The following DLGAP4 variants were observed in gnomAD, a reference collection of about 807,000 sequenced individuals.
DLGAP4 encodes disks large-associated protein 4.
In DLGAP4, 18 loss-of-function variants were observed where a neutral mutation model predicts 86.9. The observed-to-expected ratio is 0.21, with a 90% CI of 0.14 to 0.31. DLGAP4 has a LOEUF of 0.31. Ranked by LOEUF, DLGAP4 falls within the 10% of genes least tolerant of loss-of-function variation. The pLI, the probability that DLGAP4 is intolerant of heterozygous loss-of-function variation, is 1.00. For missense variants in DLGAP4, 1,085 were observed against 1,362.6 expected (o/e 0.80, Z 3.21); for synonymous variants, 548 against 574.3 (o/e 0.95, Z 0.65).
intron 7 of DLGAP4, among the ~76,000 whole-genome samples, chr20:36,451,150 TG>T (rs1361945703): frequency 6.6e-6 from 1 of 152,230 alleles, no homozygotes; most frequent in Non-Finnish European, 1.5e-5. Flanking sequence ...ATTTTACCCA[TG>T]CACCTACCTC....
intron 7 of DLGAP4, among the ~76,000 whole-genome samples, chr20:36,457,979 C>T (rs1249812754): frequency 1.3e-5 from 2 of 151,992 alleles, no homozygotes; most frequent in East Asian, 1.9e-4. Flanking sequence ...TGCTGGGAAG[C>T]GCTCCAGGCG....
intron 7 of DLGAP4, among the ~76,000 whole-genome samples, chr20:36,468,550 C>T (rs1341377624): frequency 1.3e-5 from 2 of 152,250 alleles, no homozygotes. Flanking sequence ...GTGTGCAGCC[C>T]ACACTCCTCT....
At chr20:36,430,494 A>G (rs1216391454) in intron 2 of DLGAP4, among the ~76,000 whole-genome samples, 1 of 152,092 alleles carries the variant, frequency 6.6e-6, no homozygotes, top group Non-Finnish European at 1.5e-5. Flanking sequence ...CCTGGATGAG[A>G]TGGGCCCTTG....
At chr20:36,457,928 C>T (rs1237984844) in intron 7 of DLGAP4, among the ~76,000 whole-genome samples, 1 of 151,990 alleles carries the variant, frequency 6.6e-6, no homozygotes, top group African/African-American at 2.4e-5. Flanking sequence ...CCACCACACC[C>T]GGATTGAGTG....
intron 1 of DLGAP4, among the ~76,000 whole-genome samples, chr20:36,311,826 G>A (rs1175439971): frequency 6.6e-6 from 1 of 152,222 alleles, no homozygotes; most frequent in Non-Finnish European, 1.5e-5. Context: ...GACAGAGGCC[G>A]GGCTTTGGAC....
chr20:36,409,096 C>T (rs964567047), intron 2 of DLGAP4, among the ~76,000 whole-genome samples: 3 of 132,024 alleles, frequency 2.3e-5, no homozygotes, highest in Non-Finnish European at 3.1e-5. Context: ...AGTGTGGTGG[C>T]GCCATCTTGG....
chr20:36,375,739 G>A (rs2031126763), intron 2 of DLGAP4, among the ~76,000 whole-genome samples: 1 of 152,156 alleles, frequency 6.6e-6, no homozygotes, highest in Admixed American at 6.5e-5. Context: ...GATCTCACCT[G>A]CCTCCTGTTG....
rs368757764 is a variant in DLGAP4 at position 36,515,049 on chromosome 20, G to A, written c.2513-9201G>A. ...GAGGAGGCCCACCAGTCACTCCAAG[G>A]ACCACTGAGATTAGGTGTGAAGGCA... On this transcript the variant is annotated intron_variant, in intron 10 of 12. Transcript: ENST00000339266. Among the ~76,000 whole-genome samples the A allele has an allele frequency of 2.0e-5, 3 of 152,092 alleles. No individual in the cohort carries two copies. The East Asian group carries it at 5.8e-4, about 29-fold the overall frequency.
At chr20:36,494,513 A>T (rs1268014651) in intron 7 of DLGAP4, among the ~76,000 whole-genome samples, 1 of 152,242 alleles carries the variant, frequency 6.6e-6, no homozygotes, top group African/African-American at 2.4e-5. Context: ...GATTTCCCTC[A>T]ATAGTAAGAC....
At chr20:36,514,499 C>A (rs2036921601) in intron 10 of DLGAP4, among the ~76,000 whole-genome samples, 1 of 152,102 alleles carries the variant, frequency 6.6e-6, no homozygotes, top group South Asian at 2.1e-4. Flanking sequence ...CAGCCTTGAA[C>A]TCCTGGGCTC....
chr20:36,525,166 C>T (rs1221484940), intron 11 of DLGAP4, among the ~76,000 whole-genome samples: 6 of 128,868 alleles, frequency 4.7e-5, no homozygotes, highest in Admixed American at 2.0e-4. Flanking sequence ...TGCAGTGAGC[C>T]GAGATCGCGT....
rs2065095415 is a variant in DLGAP4 at position 36,315,968 on chromosome 20, T to A, written c.-304+9456T>A. On this transcript the variant is annotated intron_variant, in intron 1 of 12. Coordinates refer to ENST00000339266, the MANE Select transcript of DLGAP4 (RefSeq NM_001365621.2). ...GGGGTGGTGTGGCCCACCAGCCCTG[T>A]GGCTTTCAGGAACCATTTGCAAGAC... Among the ~76,000 whole-genome samples the A allele has an allele frequency of 2.0e-5, 3 of 152,304 alleles. No homozygotes were observed. The South Asian group carries it at 6.2e-4, about 32-fold the overall frequency.
intron 8 of DLGAP4, 85 bp from the exon 9 acceptor site, chr20:36,499,503 A>C (rs773248811): frequency 2.7e-6 from 4 of 1,456,950 alleles, no homozygotes; most frequent in African/African-American, 1.4e-5. Context: ...CGTCCCACTA[A>C]TGTGAATTTC....
chr20:36,506,386 T>C (rs1226717011), intron 10 of DLGAP4, among the ~76,000 whole-genome samples: 1 of 152,232 alleles, frequency 6.6e-6, no homozygotes, highest in East Asian at 1.9e-4. Context: ...AGGTCTTTTA[T>C]GATGTTTCTG....
chr20:36,485,154 G>C (rs1242013088), intron 7 of DLGAP4, among the ~76,000 whole-genome samples: 2 of 152,144 alleles, frequency 1.3e-5, no homozygotes, highest in Non-Finnish European at 2.9e-5. Context: ...TGGAGGCCAA[G>C]TCCAGAGGGT....
Position 36,432,450 on chromosome 20 carries a change from G to A in DLGAP4, c.733G>A (p.Ala245Thr), listed in dbSNP as rs146757517. The A allele has an allele frequency of 2.1e-3, 3,402 of 1,613,822 alleles. 33 individuals are homozygous for A. The highest frequency in any genetic ancestry group is 0.02 in the South Asian group (1,840 of 91,078). ...CAGCCAGCCACGCTACTTCATGCAC[G>A]CCTACAACACCATCAGTGGGCACAT... ...ERSQPRYFMHAYNTISGHMLK... is the reference protein window; with the variant it reads ...ERSQPRYFMHTYNTISGHMLK... Residue 245 changes from alanine (A) to threonine (T), a missense_variant, in exon 3 of 13, where the codon GCC becomes ACC. Ala to Thr is a moderately conservative substitution (Grantham distance 58, BLOSUM62 0). Transcript: ENST00000339266. This position sits in a 1 kb window ranked among gnomAD's most constrained non-coding sequence, Gnocchi z 6.5.
chr20:36,469,860 G>A (rs987807984), intron 7 of DLGAP4, among the ~76,000 whole-genome samples: 2 of 152,144 alleles, frequency 1.3e-5, no homozygotes, highest in African/African-American at 4.8e-5. Context: ...TTCTCCCTGG[G>A]GGAACGTTGC....
chr20:36,336,152 A>G (rs1555892071), intron 1 of DLGAP4, among the ~76,000 whole-genome samples: 1 of 151,990 alleles, frequency 6.6e-6, no homozygotes, highest in Non-Finnish European at 1.5e-5. Context: ...CTCCATTTCC[A>G]TCCTCGTAAC....
intron 2 of DLGAP4, among the ~76,000 whole-genome samples, chr20:36,406,369 A>G (rs1342856447): frequency 2.1e-4 from 30 of 142,518 alleles, no homozygotes; most frequent in Non-Finnish European, 3.4e-4. Context: ...CTGCACTCCA[A>G]CCTGGGTGAC....
Sources: gnomAD v4.1 joint callset for allele counts (sites outside exome capture counted in the v4.1 genomes callset) on GRCh38, gnomAD v4.1.1 for gene constraint, Gnocchi (gnomAD v3.1) non-coding constraint, MANE v1.5 for transcripts, NCBI Gene and HGNC (gene_info 2026-07-23, HGNC 2026-07-21) for gene names.